The following ACBD6 variants were observed in gnomAD, a reference collection of about 807,000 sequenced individuals.
The protein encoded by ACBD6 is acyl-CoA-binding domain-containing protein 6.
ACBD6 carries 28 observed loss-of-function variants against 37.2 expected under a neutral mutation model. The observed-to-expected ratio is 0.75, with a 90% CI of 0.56 to 1.03. ACBD6 has a LOEUF of 1.03. Among genes scored for constraint, ACBD6 ranks in the 50% least tolerant of loss-of-function variants. The probability of loss-of-function intolerance (pLI) is 0.00; values close to 1 mark genes in which losing one functional copy is unlikely to be tolerated. For synonymous variants in ACBD6, 113 were observed against 126.8 expected (o/e 0.89, Z 0.73); for missense variants, 340 against 337.4 (o/e 1.01, Z -0.06).
chr1:180,334,478 CA>C (rs914628344), intron 6 of ACBD6, among the ~76,000 whole-genome samples: 8 of 152,236 alleles, frequency 5.3e-5, no homozygotes, highest in African/African-American at 1.9e-4. Context: ...GGAAAACTAA[CA>C]AACAGGACAC....
At chr1:180,466,113 A>G (rs543825300) in intron 3 of ACBD6, among the ~76,000 whole-genome samples, 84 of 152,316 alleles carry the variant, frequency 5.5e-4, no homozygotes, top group Middle Eastern at 3.4e-3. Flanking sequence ...TATCAATGTA[A>G]CAAACCTTCA....
intron 7 of ACBD6, among the ~76,000 whole-genome samples, chr1:180,291,548 A>G (rs1051232738): frequency 1.3e-5 from 2 of 152,154 alleles, no homozygotes; most frequent in Non-Finnish European, 2.9e-5. Context: ...TTCATTTGTT[A>G]ATAAGGTTGT....
At chr1:180,323,705 A>G (rs973593266) in intron 6 of ACBD6, among the ~76,000 whole-genome samples, 7 of 152,034 alleles carry the variant, frequency 4.6e-5, no homozygotes, top group Non-Finnish European at 7.4e-5. Context: ...GTCTGATATA[A>G]CTATAGCTAC....
At position 180,279,096 on chromosome 1, in the gene ACBD6, C is replaced by CAAAT. The variant is rs912450455; in HGVS notation, c.*174+2206_*174+2209dup. Reference sequence around the variant, plus strand: ...TTTCCTTTTATCATCAGAAGGAAACCAAATATACAACTCTGAATGCCAGAA... The same window carrying CAAAT: ...TTTCCTTTTATCATCAGAAGGAAACCAAATAAATATACAACTCTGAATGCCAGAA... On this transcript the variant is annotated intron_variant, in intron 9 of 13. Coordinates refer to the ACBD6 transcript ENST00000642319. 7.2e-5 allele frequency: 11 copies of CAAAT among 152,094 alleles called. No individual in the cohort carries two copies. In the South Asian group the frequency reaches 1.2e-3, roughly 17 times the overall value. The allele number at this position is 152,094 out of a possible 1,614,324, so 9.4% of individuals were successfully genotyped here. A position where few individuals can be genotyped will look rare whatever the true frequency, so the allele number is the denominator to read the frequency against.
intron 8 of ACBD6, among the ~76,000 whole-genome samples, chr1:180,281,947 G>T (rs931427445): frequency 6.6e-6 from 1 of 152,102 alleles, no homozygotes; most frequent in African/African-American, 2.4e-5. Flanking sequence ...GCAGACGTGG[G>T]CTTCTGCATG....
chr1:180,290,903 A>G (rs989754924), intron 7 of ACBD6, among the ~76,000 whole-genome samples: 1 of 152,196 alleles, frequency 6.6e-6, no homozygotes, highest in African/African-American at 2.4e-5. Context: ...AGTTTTGTCA[A>G]GTGATCCACA....
Position 180,502,169 on chromosome 1 carries a change from C to G in ACBD6, c.98G>C (p.Ser33Thr). The change falls in exon 1 of 8, where the codon AGC (serine) becomes ACC (threonine). Residue 33 changes from serine to threonine, a missense_variant. Ser to Thr is a moderately conservative substitution (Grantham distance 58, BLOSUM62 1). Coordinates refer to ENST00000367595, the MANE Select transcript of ACBD6 (RefSeq NM_032360.4). ...GCAACTGGTCTCCTCGATCTCAGGG[C>G]TATGGGGGAACTCCACCTCCCCGGA... Reference protein sequence around the residue: ...DDSGEVEFPHSPEIEETSCLA... With the variant: ...DDSGEVEFPHTPEIEETSCLA... The G allele has an allele frequency of 6.2e-7, 1 of 1,614,128 alleles. No individual in the cohort carries two copies. The highest frequency in any genetic ancestry group is 1.6e-4 in the Middle Eastern group (1 of 6,062).
chr1:180,300,277 C>T (rs1650081812), intron 7 of ACBD6, among the ~76,000 whole-genome samples: 2 of 152,078 alleles, frequency 1.3e-5, no homozygotes, highest in South Asian at 4.1e-4. Context: ...ATAAAATCAA[C>T]AAATAATAAC....
intron 1 of ACBD6, among the ~76,000 whole-genome samples, chr1:180,501,242 G>A (rs1183632564): frequency 6.6e-6 from 1 of 152,158 alleles, no homozygotes; most frequent in South Asian, 2.1e-4. Context: ...GTATCAAACA[G>A]AAAGGAAGAC....
intron 3 of ACBD6, among the ~76,000 whole-genome samples, chr1:180,479,915 G>A (rs1313872017): frequency 3.3e-5 from 5 of 152,194 alleles, no homozygotes; most frequent in Middle Eastern, 3.4e-3. Flanking sequence ...CTTGAGCCCC[G>A]AAGGCAGAGG....
chr1:180,502,359 C>A lies in ACBD6; in HGVS notation c.-93G>T, dbSNP rs1652021075. ...GGAGGCCTGGCCCACCAGTCTGGGT[C>A]GCGAGCCTGAGCTCCAGTCGGACCC... On this transcript the variant is annotated 5_prime_UTR_variant, in exon 1 of 8. Coordinates refer to ENST00000367595, the MANE Select transcript of ACBD6 (RefSeq NM_032360.4). 2.8e-6 allele frequency: 4 copies of A among 1,419,282 alleles called. 1 individual carries two copies. In the South Asian group the frequency reaches 3.6e-5, roughly 13 times the overall value. 87.9% of individuals were successfully genotyped at this position (1,419,282 alleles called of 1,614,324 possible). A position where few individuals can be genotyped will look rare whatever the true frequency, so the allele number is the denominator to read the frequency against.
chr1:180,408,050 CAT>C (rs1314262530), intron 5 of ACBD6, among the ~76,000 whole-genome samples: 1 of 152,020 alleles, frequency 6.6e-6, no homozygotes, highest in Non-Finnish European at 1.5e-5. Flanking sequence ...ATCAGATAAA[CAT>C]AAAGAAATCA....
intron 5 of ACBD6, among the ~76,000 whole-genome samples, chr1:180,397,898 C>T (rs776107829): frequency 7.2e-5 from 11 of 151,968 alleles, no homozygotes; most frequent in Non-Finnish European, 1.6e-4. Flanking sequence ...GCTAAAAATA[C>T]AAAAATTAGC....
At chr1:180,409,071 G>C (rs892225096) in intron 5 of ACBD6, among the ~76,000 whole-genome samples, 1 of 152,004 alleles carries the variant, frequency 6.6e-6, no homozygotes, top group East Asian at 1.9e-4. Flanking sequence ...TGGGAGGATC[G>C]CTTGAGCCCA....
chr1:180,312,582 G>A (rs1195423182), intron 7 of ACBD6, among the ~76,000 whole-genome samples: 7 of 151,992 alleles, frequency 4.6e-5, no homozygotes, highest in Admixed American at 3.3e-4. Context: ...ATACAGTATT[G>A]AAGAGACACA....
intron 8 of ACBD6, among the ~76,000 whole-genome samples, chr1:180,282,262 C>G (rs1239125497): frequency 6.6e-6 from 1 of 152,122 alleles, no homozygotes; most frequent in African/African-American, 2.4e-5. Flanking sequence ...TCTTGCTTGC[C>G]AACCCTGGAC....
chr1:180,289,673 C>T (rs1649626706), intron 7 of ACBD6, among the ~76,000 whole-genome samples: 1 of 152,134 alleles, frequency 6.6e-6, no homozygotes, highest in African/African-American at 2.4e-5. Flanking sequence ...CCCAAACGCT[C>T]ATTAATGGTA....
intron 6 of ACBD6, among the ~76,000 whole-genome samples, chr1:180,318,173 C>CG (rs1213206735): frequency 0.061 from 7,282 of 120,044 alleles, 464 homozygotes; most frequent in African/African-American, 0.091. Context: ...GCCCCCCCCC[C>CG]CCAAAAAAAA....
chr1:180,304,609 C>T lies in ACBD6; in HGVS notation c.694+10083G>A, dbSNP rs1243638141. ...CTGCTCAAGGAAATAAAAGAGGATA[C>T]AAACAAATGGAAGAACATTCCATGC... On this transcript the variant is annotated intron_variant, in intron 7 of 7. Coordinates refer to ENST00000367595, the MANE Select transcript of ACBD6 (RefSeq NM_032360.4). Among the ~76,000 whole-genome samples the T allele has an allele frequency of 3.3e-5, 5 of 150,854 alleles. No homozygotes were observed. The South Asian group carries it at 8.5e-4, about 26-fold the overall frequency.
Sources: gnomAD v4.1 joint callset for allele counts (sites outside exome capture counted in the v4.1 genomes callset) on GRCh38, gnomAD v4.1.1 for gene constraint, MANE v1.5 for transcripts, NCBI Gene and HGNC (gene_info 2026-07-23, HGNC 2026-07-21) for gene names.